PROM1: variants seen among roughly 807,000 people sequenced by gnomAD.
PROM1 encodes the protein prominin 1, also known as prominin-1.
In PROM1, 105 loss-of-function variants were observed where a neutral mutation model predicts 116.9. That is an observed-to-expected ratio of 0.90 (90% CI 0.77 to 1.06). The LOEUF is 1.06. PROM1 is among the 50% of genes least tolerant of loss of function. The pLI is 0.00. For missense variants in PROM1, 1,122 were observed against 1,045.2 expected (o/e 1.07, Z -1.01); for synonymous variants, 393 against 387.0 (o/e 1.02, Z -0.18).
At chr4:16,005,058 G>A (rs1055366669) in intron 13 of PROM1, among the ~76,000 whole-genome samples, 5 of 149,396 alleles carry the variant, frequency 3.3e-5, no homozygotes, top group Non-Finnish European at 7.4e-5. Flanking sequence ...TGCCTCCTGG[G>A]TTCAGGTGAT....
intron 26 of PROM1, among the ~76,000 whole-genome samples, chr4:15,977,715 C>T (rs1159438142): frequency 2.0e-5 from 3 of 152,224 alleles, no homozygotes; most frequent in African/African-American, 7.2e-5. Flanking sequence ...TCTCCTGCCT[C>T]AGCCTCCCAA....
chr4:16,033,499 T>G lies in PROM1; in HGVS notation c.314A>C (p.Tyr105Ser). 6.3e-7 allele frequency: 1 copy of G among 1,597,826 alleles called. No individual in the cohort carries two copies. The part of the protein sequence containing the change: ...TVILGLKIVY[Y>S]EAGIILCCVL... ...ACAGCATAGAATAATCCCTGCTTCA[T>G]AGTAGACAATCTGCAATTCAAACAA... Residue 105 changes from tyrosine (Y) to serine (S), a missense_variant, in exon 5 of 28, where the codon TAT (tyrosine) becomes TCT (serine). Tyr to Ser is a moderately radical substitution (Grantham distance 144). Transcript: ENST00000447510.
At chr4:16,049,424 T>C (rs1737339314) in intron 2 of PROM1, among the ~76,000 whole-genome samples, 2 of 152,216 alleles carry the variant, frequency 1.3e-5, no homozygotes, top group Admixed American at 6.5e-5. Flanking sequence ...TTTCCTTATA[T>C]ATAGTTTGAG....
At chr4:15,999,145 C>T (rs967870743) in intron 14 of PROM1, among the ~76,000 whole-genome samples, 5 of 152,120 alleles carry the variant, frequency 3.3e-5, no homozygotes, top group Non-Finnish European at 5.9e-5. Context: ...CCCAGTGCTG[C>T]GCTATTTCTC....
At chr4:15,988,414 A>G (rs1179637676) in intron 19 of PROM1, among the ~76,000 whole-genome samples, 2 of 152,238 alleles carry the variant, frequency 1.3e-5, no homozygotes, top group African/African-American at 2.4e-5. Flanking sequence ...CAGAGTAAAC[A>G]CTTTAGGTTT....
chr4:15,976,135 C>T, intron 26 of PROM1: 1 of 453,820 alleles, frequency 2.2e-6, no homozygotes, highest in Admixed American at 2.4e-5. Flanking sequence ...CAGAATCATC[C>T]TAAAGCTTCA....
chr4:15,984,841 G>T (rs1718924511), intron 22 of PROM1, among the ~76,000 whole-genome samples: 1 of 152,160 alleles, frequency 6.6e-6, no homozygotes, highest in Non-Finnish European at 1.5e-5. Context: ...ATTAATAATA[G>T]AAATAAAGTG....
chr4:16,044,193 C>T (rs965498411), intron 2 of PROM1, among the ~76,000 whole-genome samples: 1 of 152,222 alleles, frequency 6.6e-6, no homozygotes, highest in Non-Finnish European at 1.5e-5. Context: ...AGTCAAAACT[C>T]ATCTTTGACT....
At chr4:15,973,857 G>T (rs557077935) in intron 26 of PROM1, among the ~76,000 whole-genome samples, 4 of 152,258 alleles carry the variant, frequency 2.6e-5, no homozygotes, top group Admixed American at 2.6e-4. Flanking sequence ...ACGTCCCTGA[G>T]TCTATCTGCA....
chr4:15,994,994 C>T (rs1222117998), intron 15 of PROM1, among the ~76,000 whole-genome samples: 1 of 152,196 alleles, frequency 6.6e-6, no homozygotes, highest in Non-Finnish European at 1.5e-5. Flanking sequence ...AGACACTTGG[C>T]TTTGTCCTCT....
In PROM1 at chr4:16,018,672, C is replaced by G. The variant is rs1323658917; in HGVS notation, c.785-132G>C. ...AGTGAGAGGGACACACTGCAAGGGG[C>G]AGTCTGAGAGGGGAATACAGGAGCA... On this transcript the variant is annotated intron_variant, in intron 8 of 27. Transcript: ENST00000447510. 17 of 748,832 alleles carry G rather than the reference C, an allele frequency of 2.3e-5. No individual in the cohort carries two copies. In the East Asian group the frequency reaches 4.6e-4, roughly 20 times the overall value. The allele number at this position is 748,832 out of a possible 1,614,324, so 46.4% of individuals were successfully genotyped here. A position where few individuals can be genotyped will look rare whatever the true frequency, so the allele number is the denominator to read the frequency against.
At position 16,030,194 on chromosome 4, in the gene PROM1, C is replaced by T. The variant is rs146524567; in HGVS notation, c.509+3110G>A. Among the ~76,000 whole-genome samples, 1,322 of 151,946 alleles carry T rather than the reference C, an allele frequency of 8.7e-3. 30 individuals are homozygous for T. The highest frequency in any genetic ancestry group is 0.039 in the East Asian group (204 of 5,174). On this transcript the variant is annotated intron_variant, in intron 5 of 27. Transcript: ENST00000447510. ...AAAAGGAAGCCATTAAAATAGCTAC[C>T]GTAAATCAAAAAGTTCAAGGCAAAG...
At chr4:16,081,325 T>C (rs1745008742) in intron 1 of PROM1, among the ~76,000 whole-genome samples, 1 of 152,206 alleles carries the variant, frequency 6.6e-6, no homozygotes, top group South Asian at 2.1e-4. Flanking sequence ...TAGCCATATG[T>C]AGAAAGCTGA....
At chr4:15,977,691 C>G (rs760390642) in intron 26 of PROM1, among the ~76,000 whole-genome samples, 1 of 152,130 alleles carries the variant, frequency 6.6e-6, no homozygotes, top group East Asian at 1.9e-4. Flanking sequence ...CTCTGCCTCC[C>G]GGGTTCAAGT....
At chr4:16,012,932 A>G (rs1166985959) in intron 11 of PROM1, among the ~76,000 whole-genome samples, 1 of 151,918 alleles carries the variant, frequency 6.6e-6, no homozygotes, top group Non-Finnish European at 1.5e-5. Flanking sequence ...AAATATAATA[A>G]TCTACAGTTT....
intron 1 of PROM1, chr4:16,080,725 G>GT (rs1744880455): frequency 6.6e-6 from 1 of 152,276 alleles, no homozygotes; most frequent in South Asian, 2.1e-4. Flanking sequence ...AGGCAGCCCT[G>GT]CCTTGCATTG....
intron 14 of PROM1, among the ~76,000 whole-genome samples, chr4:15,999,185 C>T (rs1041126505): frequency 6.6e-6 from 1 of 152,056 alleles, no homozygotes; most frequent in Non-Finnish European, 1.5e-5. Flanking sequence ...AAAATTCACA[C>T]ACTTGGCCGG....
Position 15,979,432 on chromosome 4 carries a change from CT to C in PROM1, c.2544del (p.Asp849IlefsTer11). On this transcript the variant is annotated frameshift_variant, in exon 26 of 28. Coordinates refer to ENST00000447510, the MANE Select transcript of PROM1 (RefSeq NM_006017.3). LOFTEE classifies it high-confidence loss of function. The stretch of plus-strand genomic sequence containing the variant: ...GGATTGTGAATACCATATACATGAT[CT>C]TTATGATAACCATTATTACCATTTT... ...NMENGNNGYH[K>X]DHVYGIHNPV... The C allele has an allele frequency of 6.2e-7, 1 of 1,612,634 alleles. No individual in the cohort carries two copies. The highest frequency in any genetic ancestry group is 8.5e-7 in the Non-Finnish European group (1 of 1,179,324).
At chr4:16,024,121 G>A (rs962894548) in intron 7 of PROM1, among the ~76,000 whole-genome samples, 174 bp downstream of exon 7, 3 of 152,200 alleles carry the variant, frequency 2.0e-5, no homozygotes, top group African/African-American at 4.8e-5. Flanking sequence ...AGATGCCTTC[G>A]ATGAGGGCTA....
Sources: allele counts gnomAD v4.1 joint callset (sites outside exome capture counted in the v4.1 genomes callset), GRCh38; gene constraint gnomAD v4.1.1; transcripts MANE v1.5; gene names NCBI Gene and HGNC (gene_info 2026-07-23, HGNC 2026-07-21).